KDM2A: variants seen among roughly 807,000 people sequenced by gnomAD.
KDM2A encodes the protein lysine demethylase 2A, also known as lysine-specific demethylase 2A.
A neutral mutation model predicts 137.3 loss-of-function variants in KDM2A; 3 were observed. That is an observed-to-expected ratio of 0.02 (90% CI 0.01 to 0.06). KDM2A has a LOEUF of 0.06. Ranked by LOEUF, KDM2A falls within the 10% of genes least tolerant of loss-of-function variation. The probability of loss-of-function intolerance (pLI) is 1.00; values close to 1 mark genes in which losing one functional copy is unlikely to be tolerated. For missense variants in KDM2A, 738 were observed against 1,510.6 expected, an observed-to-expected ratio of 0.49 and a Z score of 8.48; for synonymous variants, 512 against 541.5, an observed-to-expected ratio of 0.95 and a Z score of 0.76.
intron 5 of KDM2A, among the ~76,000 whole-genome samples, chr11:67,202,927 T>G (rs1192756484): frequency 6.7e-6 from 1 of 149,498 alleles, no homozygotes; most frequent in Non-Finnish European, 1.5e-5. Flanking sequence ...TCCAGGAGTT[T>G]GTGGCTGTGG....
Position 67,254,634 on chromosome 11 carries a change from A to G in KDM2A, c.3307+216A>G, listed in dbSNP as rs1006209825. On this transcript the variant is annotated intron_variant, in intron 20 of 20. Transcript: ENST00000529006. The surrounding 1 kb of genome is among the most constrained non-coding windows in gnomAD (Gnocchi z 4.7). Reference sequence around the variant, plus strand: ...AGTCGGTTGCCTGTCTGCGCAGCCAACATCCAGCTGGAGTTTGGTCAGCCT... The same window carrying G: ...AGTCGGTTGCCTGTCTGCGCAGCCAGCATCCAGCTGGAGTTTGGTCAGCCT... 1.3e-5 allele frequency: 8 copies of G among 638,892 alleles called. No homozygotes were observed. The highest frequency in any genetic ancestry group is 3.7e-5 in the African/African-American group (2 of 54,684). The allele number at this position is 638,892 out of a possible 1,614,324, so 39.6% of individuals were successfully genotyped here.
chr11:67,179,088 G>A (rs539450609), intron 2 of KDM2A, among the ~76,000 whole-genome samples: 5 of 152,192 alleles, frequency 3.3e-5, no homozygotes, highest in East Asian at 3.9e-4. Context: ...GATGATAGCC[G>A]TTCTGGTGGG....
rs770500474 is a variant in KDM2A, at chr11:67,254,424, C to T, written c.3307+6C>T. Reference sequence around the variant, plus strand: ...CACAGAGCTCAATATGGCAGGTATGCCGCTACAGTTGTTCATAATCAGCGG... The same window carrying T: ...CACAGAGCTCAATATGGCAGGTATGTCGCTACAGTTGTTCATAATCAGCGG... On this transcript the variant is annotated splice_donor_region_variant and intron_variant, in intron 20 of 20. Transcript: ENST00000529006. The surrounding 1 kb of genome is among the most constrained non-coding windows in gnomAD (Gnocchi z 4.7). The T allele has an allele frequency of 6.2e-7, 1 of 1,612,162 alleles. No homozygotes were observed. The highest frequency in any genetic ancestry group is 8.5e-7 in the Non-Finnish European group (1 of 1,178,444).
At chr11:67,196,630 T>C (rs1435126230) in intron 5 of KDM2A, 1 of 364,694 alleles carries the variant, frequency 2.7e-6, no homozygotes, top group Non-Finnish European at 5.4e-6. Context: ...GCCACAAAAA[T>C]ATAAATACTG....
chr11:67,220,337 A>G (rs1273368611), intron 10 of KDM2A, among the ~76,000 whole-genome samples: 1 of 152,190 alleles, frequency 6.6e-6, no homozygotes. Context: ...ATAAGGCCAG[A>G]CATTTACCTC....
intron 2 of KDM2A, among the ~76,000 whole-genome samples, chr11:67,133,096 G>A (rs574030024): frequency 6.6e-6 from 1 of 152,084 alleles, no homozygotes; most frequent in East Asian, 1.9e-4. Flanking sequence ...GCTTTTATTC[G>A]TATTTATTTA....
At chr11:67,192,395 C>G (rs1857376739) in intron 5 of KDM2A, among the ~76,000 whole-genome samples, 1 of 150,962 alleles carries the variant, frequency 6.6e-6, no homozygotes, top group Non-Finnish European at 1.5e-5. Flanking sequence ...CATAATTTAC[C>G]CATTCCCCAC....
intron 2 of KDM2A, among the ~76,000 whole-genome samples, chr11:67,155,937 T>TA (rs770113717): frequency 0.044 from 4,593 of 104,262 alleles, 340 homozygotes; most frequent in Admixed American, 0.2. Context: ...TTTAAACGGC[T>TA]AAAAAAAAAA....
intron 2 of KDM2A, among the ~76,000 whole-genome samples, chr11:67,170,308 T>G (rs1856851172): frequency 6.6e-6 from 1 of 151,356 alleles, no homozygotes; most frequent in Non-Finnish European, 1.5e-5. Context: ...GCTAGAAATG[T>G]AGTGTCCCTT....
intron 5 of KDM2A, among the ~76,000 whole-genome samples, chr11:67,193,449 A>G (rs1405463307): frequency 1.3e-5 from 2 of 152,218 alleles, no homozygotes; most frequent in Admixed American, 6.5e-5. Context: ...TTATTCTGTT[A>G]TCACTTTCTC....
At chr11:67,248,874 C>G (rs1472760317) in intron 16 of KDM2A, among the ~76,000 whole-genome samples, 1 of 152,200 alleles carries the variant, frequency 6.6e-6, no homozygotes, top group African/African-American at 2.4e-5. Context: ...AGCCCCTCCC[C>G]CAGAGAGGAC....
chr11:67,239,912 C>T, intron 12 of KDM2A: 1 of 385,852 alleles, frequency 2.6e-6, no homozygotes. Flanking sequence ...GAGCTCTCCT[C>T]CCTGGCAGGG....
At chr11:67,168,611 ACAC>A (rs1856805933) in intron 2 of KDM2A, among the ~76,000 whole-genome samples, 1 of 109,868 alleles carries the variant, frequency 9.1e-6, no homozygotes, top group African/African-American at 6.7e-5. Flanking sequence ...ACACACACAC[ACAC>A]ACACACACAC....
chr11:67,176,455 C>T (rs938058695), intron 2 of KDM2A, among the ~76,000 whole-genome samples: 7 of 152,188 alleles, frequency 4.6e-5, no homozygotes, highest in African/African-American at 1.7e-4. Flanking sequence ...CTACCACTGG[C>T]ACATCCAGTT....
chr11:67,151,342 CAT>C (rs1856382902), intron 2 of KDM2A, among the ~76,000 whole-genome samples: 1 of 151,622 alleles, frequency 6.6e-6, no homozygotes, highest in Non-Finnish European at 1.5e-5. Context: ...ATACACACCA[CAT>C]ATTTTATTTA....
chr11:67,151,609 C>A (rs1050540039), intron 2 of KDM2A, among the ~76,000 whole-genome samples: 1 of 152,108 alleles, frequency 6.6e-6, no homozygotes, highest in Non-Finnish European at 1.5e-5. Context: ...CCTCCACCTC[C>A]CAAAGTGCTG....
chr11:67,233,818 T>A (rs1162804178), intron 12 of KDM2A, among the ~76,000 whole-genome samples: 3 of 151,906 alleles, frequency 2.0e-5, no homozygotes, highest in African/African-American at 7.3e-5. Flanking sequence ...AGAAGAGACA[T>A]CTAAAGAGGA....
chr11:67,222,118 CAG>C (rs1198888128), intron 10 of KDM2A, among the ~76,000 whole-genome samples: 2 of 97,360 alleles, frequency 2.1e-5, no homozygotes, highest in Non-Finnish European at 3.9e-5. Flanking sequence ...GTGTTTCTCA[CAG>C]AGGGGGATTT....
intron 2 of KDM2A, among the ~76,000 whole-genome samples, chr11:67,128,009 C>T (rs1203828782): frequency 9.3e-6 from 1 of 107,886 alleles, no homozygotes; most frequent in Non-Finnish European, 1.9e-5. Flanking sequence ...CACACCCGGC[C>T]TTTTTTTTTT....
Sources: gnomAD v4.1 joint callset for allele counts (sites outside exome capture counted in the v4.1 genomes callset) on GRCh38, gnomAD v4.1.1 for gene constraint, Gnocchi (gnomAD v3.1) non-coding constraint, MANE v1.5 for transcripts, NCBI Gene and HGNC (gene_info 2026-07-23, HGNC 2026-07-21) for gene names.